The following MEF2A variants were observed in gnomAD, a reference collection of about 807,000 sequenced individuals.
MEF2A encodes the protein myocyte enhancer factor 2A.
In MEF2A, 28 loss-of-function variants were observed where a neutral mutation model predicts 55.8. The ratio of observed to expected loss-of-function variants is 0.50; its 90% CI spans 0.37 to 0.69. The LOEUF (loss-of-function observed/expected upper bound fraction) is 0.69, where lower values mean the gene tolerates loss of function less well. Among genes scored for constraint, MEF2A ranks in the 30% least tolerant of loss-of-function variants. The pLI is 0.00. For synonymous variants in MEF2A, 239 were observed against 227.1 expected (o/e 1.05, Z -0.47); for missense variants, 528 against 626.2 (o/e 0.84, Z 1.67).
chr15:99,574,090 A>G (rs149439046), intron 1 of MEF2A, among the ~76,000 whole-genome samples: 27 of 152,274 alleles, frequency 1.8e-4, no homozygotes, highest in African/African-American at 6.5e-4. Flanking sequence ...ACCTAGAGAA[A>G]AGTTACAAGA....
At chr15:99,689,720 A>T (rs2055005857) in intron 7 of MEF2A, among the ~76,000 whole-genome samples, 1 of 152,176 alleles carries the variant, frequency 6.6e-6, no homozygotes. Context: ...ACCTCAAGTG[A>T]TTCACCCTCC....
chr15:99,658,702 A>AG (rs1268610150), intron 4 of MEF2A, among the ~76,000 whole-genome samples: 1 of 152,234 alleles, frequency 6.6e-6, no homozygotes, highest in Non-Finnish European at 1.5e-5. Flanking sequence ...AAAGAGTGCT[A>AG]TTTCCAAATA....
At chr15:99,575,542 G>A (rs1963999426) in intron 1 of MEF2A, among the ~76,000 whole-genome samples, 1 of 152,200 alleles carries the variant, frequency 6.6e-6, no homozygotes. Context: ...TGTTGTTGAT[G>A]TTTATTTGGA....
At chr15:99,581,641 T>C (rs1965971516) in intron 1 of MEF2A, among the ~76,000 whole-genome samples, 1 of 152,218 alleles carries the variant, frequency 6.6e-6, no homozygotes, top group Non-Finnish European at 1.5e-5. Context: ...CTCACTGTTT[T>C]AGTGATTATT....
intron 2 of MEF2A, among the ~76,000 whole-genome samples, chr15:99,622,982 G>T (rs1246402225): frequency 1.3e-5 from 2 of 152,160 alleles, no homozygotes; most frequent in Admixed American, 1.3e-4. Context: ...TTACAGGCGT[G>T]AGCCACCACG....
chr15:99,628,343 G>C (rs139645926), intron 2 of MEF2A, among the ~76,000 whole-genome samples: 1 of 152,154 alleles, frequency 6.6e-6, no homozygotes, highest in East Asian at 1.9e-4. Flanking sequence ...TATTTAAGAT[G>C]TGTCCTCTGT....
At chr15:99,601,517 T>G (rs1165198266) in intron 2 of MEF2A, among the ~76,000 whole-genome samples, 1 of 151,420 alleles carries the variant, frequency 6.6e-6, no homozygotes, top group Non-Finnish European at 1.5e-5. Context: ...AGAGTTTTTT[T>G]TTTTTTTTTT....
At chr15:99,695,395 A>T (rs1344756235) in intron 8 of MEF2A, among the ~76,000 whole-genome samples, 3 of 152,202 alleles carry the variant, frequency 2.0e-5, no homozygotes, top group African/African-American at 7.2e-5. Flanking sequence ...AAGAGATAAA[A>T]TAGAAATATA....
At chr15:99,646,515 G>A (rs765659932) in intron 4 of MEF2A, among the ~76,000 whole-genome samples, 6 of 151,906 alleles carry the variant, frequency 3.9e-5, no homozygotes, top group Non-Finnish European at 8.8e-5. Flanking sequence ...ATTCAGTGGA[G>A]GAATTTTTTA....
chr15:99,587,928 A>G (rs1967899630), intron 1 of MEF2A, among the ~76,000 whole-genome samples: 1 of 145,760 alleles, frequency 6.9e-6, no homozygotes, highest in Non-Finnish European at 1.5e-5. Context: ...TTTTTCTTAC[A>G]TTATTCCACT....
intron 7 of MEF2A, among the ~76,000 whole-genome samples, chr15:99,687,285 G>T (rs572573835): frequency 6.6e-6 from 1 of 151,830 alleles, no homozygotes; most frequent in Non-Finnish European, 1.5e-5. Flanking sequence ...TTATTAGGAC[G>T]AATTTTAGAC....
At chr15:99,704,650 C>G (rs1241691139) in intron 9 of MEF2A, among the ~76,000 whole-genome samples, 1 of 152,192 alleles carries the variant, frequency 6.6e-6, no homozygotes, top group Non-Finnish European at 1.5e-5. Flanking sequence ...GAAGTCTTCA[C>G]TGCTTTTGAA....
chr15:99,596,707 A>G (rs1052474511), intron 1 of MEF2A, among the ~76,000 whole-genome samples: 1 of 152,238 alleles, frequency 6.6e-6, no homozygotes, highest in Admixed American at 6.5e-5. Context: ...ATCCTGGCCA[A>G]TAGGAGCGAG....
At chr15:99,580,037 ATC>A (rs1965471577) in intron 1 of MEF2A, among the ~76,000 whole-genome samples, 1 of 152,040 alleles carries the variant, frequency 6.6e-6, no homozygotes, top group Non-Finnish European at 1.5e-5. Context: ...CTGTGTTCTA[ATC>A]TCTCCAGACA....
At chr15:99,620,632 A>G (rs1287724340) in intron 2 of MEF2A, among the ~76,000 whole-genome samples, 2 of 152,086 alleles carry the variant, frequency 1.3e-5, no homozygotes, top group African/African-American at 4.8e-5. Context: ...TATCATGACT[A>G]GTGTTATGAT....
intron 2 of MEF2A, among the ~76,000 whole-genome samples, chr15:99,612,196 A>G (rs1300868785): frequency 1.3e-5 from 2 of 152,098 alleles, no homozygotes; most frequent in Admixed American, 6.5e-5. Flanking sequence ...TGGGTGGATC[A>G]TGAGGTCAGG....
intron 1 of MEF2A, among the ~76,000 whole-genome samples, chr15:99,588,380 C>T (rs1054246278): frequency 6.6e-6 from 1 of 151,850 alleles, no homozygotes; most frequent in Non-Finnish European, 1.5e-5. Context: ...TGGCTCACTG[C>T]AACCTCTGCT....
intron 4 of MEF2A, among the ~76,000 whole-genome samples, chr15:99,660,458 A>G (rs1284730598): frequency 6.6e-6 from 1 of 152,106 alleles, no homozygotes; most frequent in Non-Finnish European, 1.5e-5. Context: ...GACCAGTAAG[A>G]TACTTCCCAC....
chr15:99,652,817 T>C (rs1251800685), intron 4 of MEF2A, among the ~76,000 whole-genome samples: 2 of 152,204 alleles, frequency 1.3e-5, no homozygotes, highest in Non-Finnish European at 2.9e-5. Context: ...GGTAAAAATA[T>C]TGAATGTAAT....
Sources: gnomAD v4.1 joint callset for allele counts (sites outside exome capture counted in the v4.1 genomes callset) on GRCh38, gnomAD v4.1.1 for gene constraint, MANE v1.5 for transcripts, NCBI Gene and HGNC (gene_info 2026-07-23, HGNC 2026-07-21) for gene names.